FOXD4L5: variants seen among roughly 807,000 people sequenced by gnomAD.
FOXD4L5 encodes the protein forkhead box D4 like 5.
For synonymous variants in FOXD4L5, 2 were observed against 238.5 expected, an observed-to-expected ratio of 0.01 and a Z score of 9.14; for missense variants, 5 against 544.3, an observed-to-expected ratio of 0.01 and a Z score of 9.86.
In FOXD4L5 at chr9:65,284,532, A is replaced by G; in HGVS notation, c.-155T>C. 1 of 492,730 alleles carries G rather than the reference A, an allele frequency of 2.0e-6. No individual in the cohort carries two copies. Among genetic ancestry groups the G allele is most frequent in the Non-Finnish European group, 3.3e-6 (1 of 303,552 alleles). The allele number at this position is 492,730 out of a possible 1,614,324, so 30.5% of individuals were successfully genotyped here. ...CGTCTGCTTGTTTCTACTCCTTTGC[A>G]ACAACGTCCGGCAAAGATGCCTTTG... is the stretch of plus-strand genomic sequence containing the variant. On this transcript the variant is annotated 5_prime_UTR_variant, in exon 1 of 1. Transcript: ENST00000377420.
chr9:65,284,497 G>C lies in FOXD4L5; in HGVS notation c.-120C>G. The C allele has an allele frequency of 1.0e-6, 1 of 977,472 alleles. No homozygotes were observed. The highest frequency in any genetic ancestry group is 1.6e-5 in the South Asian group (1 of 60,968). 60.5% of individuals were successfully genotyped at this position (977,472 alleles called of 1,614,324 possible). Reference sequence around the variant, plus strand: ...GCAGCAATGCTAGTGGTTACCCTTTGGGATGTTTTCGTCTGCTTGTTTCTA... The same window carrying C: ...GCAGCAATGCTAGTGGTTACCCTTTCGGATGTTTTCGTCTGCTTGTTTCTA... On this transcript the variant is annotated 5_prime_UTR_variant, in exon 1 of 1. Transcript: ENST00000377420.
At position 65,284,492 on chromosome 9, in the gene FOXD4L5, C is replaced by A. The variant is rs1823535404; in HGVS notation, c.-115G>T. The A allele has an allele frequency of 1.0e-6, 1 of 1,001,746 alleles. No individual in the cohort carries two copies. The highest frequency in any genetic ancestry group is 1.4e-6 in the Non-Finnish European group (1 of 722,980). 62.1% of individuals were successfully genotyped at this position (1,001,746 alleles called of 1,614,324 possible). A position where few individuals can be genotyped will look rare whatever the true frequency, so the allele number is the denominator to read the frequency against. On this transcript the variant is annotated 5_prime_UTR_variant, in exon 1 of 1. Coordinates refer to ENST00000377420, the MANE Select transcript of FOXD4L5 (RefSeq NM_001126334.1). ...AAGAAGCAGCAATGCTAGTGGTTAC[C>A]CTTTGGGATGTTTTCGTCTGCTTGT...
Position 65,284,435 on chromosome 9 carries a change from G to A in FOXD4L5, c.-58C>T, listed in dbSNP as rs1400794794. The A allele has an allele frequency of 1.2e-5, 14 of 1,154,616 alleles. 1 individual carries two copies. The highest frequency in any genetic ancestry group is 1.6e-5 in the Non-Finnish European group (13 of 831,646). 71.5% of individuals were successfully genotyped at this position (1,154,616 alleles called of 1,614,324 possible). The stretch of plus-strand genomic sequence containing the variant: ...GGCGGCCGATCACCTGGCCTGGGGC[G>A]GGCTGAGCTGGAAGCCTGGGATGAA... On this transcript the variant is annotated 5_prime_UTR_variant, in exon 1 of 1. Coordinates refer to ENST00000377420, the MANE Select transcript of FOXD4L5 (RefSeq NM_001126334.1).
the FOXD4L5 span, chr9:65,283,818 G>GCGGGGTC: frequency 7.0e-7 from 1 of 1,435,420 alleles, no homozygotes; most frequent in Non-Finnish European, 9.2e-7. Context: ...GTCCTGGGAG[G>GCGGGGTC]CGGGGTCCAG....
In FOXD4L5 at chr9:65,283,574, A is replaced by C; in HGVS notation, c.804T>G (p.Leu268=). 1 of 1,555,608 alleles carries C rather than the reference A, an allele frequency of 6.4e-7. No individual in the cohort carries two copies. The highest frequency in any genetic ancestry group is 1.9e-5 in the Admixed American group (1 of 53,838). The change falls in exon 1 of 1, where the codon CTT becomes CTG. Residue 268 remains leucine, a synonymous_variant. Transcript: ENST00000377420. ...CPYALLHPHP[L]RYLLLSAPVY... The stretch of plus-strand genomic sequence containing the variant: ...CGGGGGCCGAGAGCAGTAGGTAGCG[A>C]AGAGGATGCGGGTGCAGCAGAGCGT...
chr9:65,283,061 TC>T lies in FOXD4L5; in HGVS notation c.*65del. On this transcript the variant is annotated 3_prime_UTR_variant, in exon 1 of 1. Transcript: ENST00000377420. ...GGCGATACTAAAAAAACTGGTGAGG[TC>T]CCCTCTCCGCCCAAAGGGGCAGCCA... is the stretch of plus-strand genomic sequence containing the variant. 1 of 498,450 alleles carries T rather than the reference TC, an allele frequency of 2.0e-6. No individual in the cohort carries two copies. Among genetic ancestry groups the T allele is most frequent in the Non-Finnish European group, 3.4e-6 (1 of 291,096 alleles). The allele number at this position is 498,450 out of a possible 1,614,324, so 30.9% of individuals were successfully genotyped here.
At chr9:65,283,475 AG>A in the FOXD4L5 span, 1 of 1,610,980 alleles carries the variant, frequency 6.2e-7, no homozygotes, top group Non-Finnish European at 8.5e-7. Flanking sequence ...GGACCAAGTG[AG>A]GGCTGCAGCA....
chr9:65,283,238 GAGC>G lies in FOXD4L5; in HGVS notation c.1137_1139del (p.Leu380del). 7 of 1,527,002 alleles carry G rather than the reference GAGC, an allele frequency of 4.6e-6. No homozygotes were observed. Among genetic ancestry groups the G allele is most frequent in the South Asian group, 1.2e-5 (1 of 86,894 alleles). The allele number at this position is 1,527,002 out of a possible 1,614,324, so 94.6% of individuals were successfully genotyped here. A position where few individuals can be genotyped will look rare whatever the true frequency, so the allele number is the denominator to read the frequency against. On this transcript the variant is annotated inframe_deletion, in exon 1 of 1. Coordinates refer to ENST00000377420, the MANE Select transcript of FOXD4L5 (RefSeq NM_001126334.1). ...TGCTGCTATTGCTGCAAAATTGTCC[GAGC>G]AGCAGCGGCGGCGGACACTTGCAGC...
rs1252420365 is a variant in FOXD4L5, at chr9:65,284,377, TGGA to T, written c.-3_-1del. The T allele has an allele frequency of 6.7e-7, 1 of 1,493,108 alleles. No homozygotes were observed. Among genetic ancestry groups the T allele is most frequent in the Non-Finnish European group, 9.0e-7 (1 of 1,112,314 alleles). 92.5% of individuals were successfully genotyped at this position (1,493,108 alleles called of 1,614,324 possible). The stretch of plus-strand genomic sequence containing the variant: ...GGGCGCTCAGCTCTTGGCAGGTTCA[TGGA>T]GGAGCAGGTGCTTCAGTCGCAGGGG... On this transcript the variant is annotated 5_prime_UTR_variant, in exon 1 of 1. Coordinates refer to ENST00000377420, the MANE Select transcript of FOXD4L5 (RefSeq NM_001126334.1).
At position 65,282,685 on chromosome 9, in the gene FOXD4L5, CGGAAA is replaced by C. The variant is rs1823505819; in HGVS notation, c.*437_*441del. 7 of 175,334 alleles carry C rather than the reference CGGAAA, an allele frequency of 4.0e-5. 3 individuals carry two copies. The highest frequency in any genetic ancestry group is 8.4e-5 in the Non-Finnish European group (7 of 83,448). The allele number at this position is 175,334 out of a possible 1,614,324, so 10.9% of individuals were successfully genotyped here. A position where few individuals can be genotyped will look rare whatever the true frequency, so the allele number is the denominator to read the frequency against. ...TGTCCATCAGGCATACAGGGAATGA[CGGAAA>C]AGGTGACAACAGAAGATGAATGCTA... On this transcript the variant is annotated 3_prime_UTR_variant, in exon 1 of 1. Coordinates refer to ENST00000377420, the MANE Select transcript of FOXD4L5 (RefSeq NM_001126334.1).
In FOXD4L5 at chr9:65,284,391, C is replaced by CT; in HGVS notation, c.-15dup. ...TGGCAGGTTCATGGAGGAGCAGGTG[C>CT]TTCAGTCGCAGGGGATGTGGCGGCC... On this transcript the variant is annotated 5_prime_UTR_variant, in exon 1 of 1. Coordinates refer to ENST00000377420, the MANE Select transcript of FOXD4L5 (RefSeq NM_001126334.1). 6.9e-7 allele frequency: 1 copy of CT among 1,446,240 alleles called. No individual in the cohort carries two copies. The allele number at this position is 1,446,240 out of a possible 1,614,324, so 89.6% of individuals were successfully genotyped here.
At position 65,282,195 on chromosome 9, in the gene FOXD4L5, G is replaced by A. The variant is rs111824249; in HGVS notation, c.*932C>T. On this transcript the variant is annotated 3_prime_UTR_variant, in exon 1 of 1. Coordinates refer to ENST00000377420, the MANE Select transcript of FOXD4L5 (RefSeq NM_001126334.1). ...CTCTTTTTTAAACTGAATTGAAGCC[G>A]TGGAGCAGTGTTTTGTTGAACAATA... 1 of 23,786 alleles carries A rather than the reference G, an allele frequency of 4.2e-5. No homozygotes were observed. The highest frequency in any genetic ancestry group is 5.9e-5 in the African/African-American group (1 of 16,904). 1.5% of individuals were successfully genotyped at this position (23,786 alleles called of 1,614,324 possible).
Position 65,284,488 on chromosome 9 carries a change from T to C in FOXD4L5, c.-111A>G. ...TTGCAAGAAGCAGCAATGCTAGTGG[T>C]TACCCTTTGGGATGTTTTCGTCTGC... is the stretch of plus-strand genomic sequence containing the variant. On this transcript the variant is annotated 5_prime_UTR_variant, in exon 1 of 1. Coordinates refer to ENST00000377420, the MANE Select transcript of FOXD4L5 (RefSeq NM_001126334.1). The C allele has an allele frequency of 9.7e-7, 1 of 1,029,062 alleles. No individual in the cohort carries two copies. Among genetic ancestry groups the C allele is most frequent in the Non-Finnish European group, 1.3e-6 (1 of 744,022 alleles). 63.7% of individuals were successfully genotyped at this position (1,029,062 alleles called of 1,614,324 possible).
chr9:65,285,077 AG>A lies in FOXD4L5; in HGVS notation c.-701del, dbSNP rs1184826926. The A allele has an allele frequency of 1.3e-5, 1 of 76,532 alleles. No individual in the cohort carries two copies. The highest frequency in any genetic ancestry group is 1.6e-4 in the Admixed American group (1 of 6,418). The allele number at this position is 76,532 out of a possible 1,614,324, so 4.7% of individuals were successfully genotyped here. ...GGTTCTGACAATATTCCCAGGCTTC[AG>A]GGGGGTGTTGCTTTGCTCCTTCTAC... On this transcript the variant is annotated 5_prime_UTR_variant, in exon 1 of 1. Transcript: ENST00000377420.
the FOXD4L5 span, chr9:65,284,207 CG>C: frequency 1.8e-6 from 1 of 559,036 alleles, no homozygotes; most frequent in Non-Finnish European, 3.0e-6. Flanking sequence ...CCTGCAGCCC[CG>C]GCTGGAGTGA....
chr9:65,284,078 AG>A, the FOXD4L5 span: 1 of 1,608,744 alleles, frequency 6.2e-7, no homozygotes, highest in Non-Finnish European at 8.5e-7. Flanking sequence ...GGGCATCTTC[AG>A]AGGCCGCCGC....
chr9:65,284,538 G>A lies in FOXD4L5; in HGVS notation c.-161C>T, dbSNP rs1393106232. On this transcript the variant is annotated 5_prime_UTR_variant, in exon 1 of 1. In the 5' UTR this introduces an upstream ATG that the reference lacks. Transcript: ENST00000377420. Reference sequence around the variant, plus strand: ...CTTGTTTCTACTCCTTTGCAACAACGTCCGGCAAAGATGCCTTTGCCTTTT... The same window carrying A: ...CTTGTTTCTACTCCTTTGCAACAACATCCGGCAAAGATGCCTTTGCCTTTT... 7 of 424,254 alleles carry A rather than the reference G, an allele frequency of 1.6e-5. 3 individuals are homozygous for A. In the East Asian group the frequency reaches 4.2e-4, roughly 25 times the overall value. The allele number at this position is 424,254 out of a possible 1,614,324, so 26.3% of individuals were successfully genotyped here.
Position 65,283,452 on chromosome 9 carries a change from C to G in FOXD4L5, c.926G>C (p.Arg309Thr), listed in dbSNP as rs1351606832. 1 of 1,610,728 alleles carries G rather than the reference C, an allele frequency of 6.2e-7. No homozygotes were observed. The highest frequency in any genetic ancestry group is 1.3e-5 in the African/African-American group (1 of 74,692). The part of the protein sequence containing the change: ...CSPHLVLSLG[R>T]RARVWRRHRE... ...GTGGCGACGCCAGACCCTTGCCCTC[C>G]TCCCAAGGCTGAGGACCAAGTGAGG... Residue 309 changes from arginine to threonine, a missense_variant, in exon 1 of 1, where the codon AGG (arginine) becomes ACG (threonine). Physicochemically the swap from Arg to Thr is moderately conservative, Grantham distance 71. Transcript: ENST00000377420.
At position 65,284,565 on chromosome 9, in the gene FOXD4L5, T is replaced by C; in HGVS notation, c.-188A>G. 3.1e-6 allele frequency: 1 copy of C among 324,974 alleles called. No individual in the cohort carries two copies. Among genetic ancestry groups the C allele is most frequent in the Non-Finnish European group, 5.5e-6 (1 of 181,902 alleles). 20.1% of individuals were successfully genotyped at this position (324,974 alleles called of 1,614,324 possible). Reference sequence around the variant, plus strand: ...CCGGCAAAGATGCCTTTGCCTTTTATAAAAGCTTCTTCAAGACCATGTGTG... The same window carrying C: ...CCGGCAAAGATGCCTTTGCCTTTTACAAAAGCTTCTTCAAGACCATGTGTG... On this transcript the variant is annotated 5_prime_UTR_variant, in exon 1 of 1. Transcript: ENST00000377420.
Sources: gnomAD v4.1 joint callset for allele counts on GRCh38, gnomAD v4.1.1 for gene constraint, MANE v1.5 for transcripts, NCBI Gene and HGNC (gene_info 2026-07-23, HGNC 2026-07-21) for gene names.